Variants in ATG7 observed in about 807,000 individuals in gnomAD.
ATG7 encodes ubiquitin-like modifier-activating enzyme ATG7.
ATG7 carries 70 observed loss-of-function variants against 82.4 expected under a neutral mutation model. The observed-to-expected ratio is 0.85, with a 90% CI of 0.70 to 1.04. The LOEUF is 1.04. ATG7 is among the 50% of genes least tolerant of loss of function. ATG7 has a pLI of 0.00. For synonymous variants in ATG7, 287 were observed against 313.0 expected, an observed-to-expected ratio of 0.92 and a Z score of 0.88; for missense variants, 792 against 864.3, an observed-to-expected ratio of 0.92 and a Z score of 1.05.
chr3:11,527,071 GTATA>G (rs59492212), intron 20 of ATG7, among the ~76,000 whole-genome samples: 4,797 of 127,350 alleles, frequency 0.038, 103 homozygotes, highest in African/African-American at 0.067. Context: ...GTGTGTGTGT[GTATA>G]TATATATATA....
At chr3:11,394,536 C>T (rs1170413097) in intron 19 of ATG7, among the ~76,000 whole-genome samples, 3 of 152,200 alleles carry the variant, frequency 2.0e-5, no homozygotes, top group African/African-American at 4.8e-5. Flanking sequence ...GCGTGAGCCA[C>T]ACCTTTAGTG....
chr3:11,363,784 G>A (rs1238456078), intron 17 of ATG7, among the ~76,000 whole-genome samples: 1 of 152,158 alleles, frequency 6.6e-6, no homozygotes, highest in Non-Finnish European at 1.5e-5. Flanking sequence ...TATTTTTCCA[G>A]TTCTCAGAAA....
At chr3:11,330,672 G>A (rs983221954) in intron 9 of ATG7, among the ~76,000 whole-genome samples, 1 of 152,180 alleles carries the variant, frequency 6.6e-6, no homozygotes, top group African/African-American at 2.4e-5. Flanking sequence ...GGTGCTCATT[G>A]TCTTTGAAAG....
intron 20 of ATG7, chr3:11,446,836 TGATG>T (rs2084610554): frequency 6.1e-6 from 1 of 163,956 alleles, no homozygotes. Flanking sequence ...GGGCCATGAG[TGATG>T]GTTATTGGGG....
intron 18 of ATG7, among the ~76,000 whole-genome samples, chr3:11,368,532 C>T (rs1045756936): frequency 4.6e-5 from 7 of 152,110 alleles, no homozygotes; most frequent in Non-Finnish European, 4.4e-5. Context: ...TGGCTCACCC[C>T]TGTAATCCCA....
rs544566726 is a variant in ATG7 at position 11,489,063 on chromosome 3, T to G, written c.2079+62137T>G. Among the ~76,000 whole-genome samples the G allele has an allele frequency of 2.0e-5, 3 of 152,158 alleles. No individual in the cohort carries two copies. In the South Asian group the frequency reaches 6.2e-4, roughly 32 times the overall value. On this transcript the variant is annotated intron_variant, in intron 20 of 20. Coordinates refer to ENST00000693202, the MANE Select transcript of ATG7 (RefSeq NM_001349232.2). ...TCTTTTTGGTTGGTAAGCTATTGATTATTGCCACAATTTCAGAGCCTGTTA... is the reference window on the plus strand; with the variant it reads ...TCTTTTTGGTTGGTAAGCTATTGATGATTGCCACAATTTCAGAGCCTGTTA...
At chr3:11,510,218 A>G (rs1391348077) in intron 20 of ATG7, 2 of 456,454 alleles carry the variant, frequency 4.4e-6, no homozygotes, top group Non-Finnish European at 8.8e-6. Flanking sequence ...CAAGAATGGC[A>G]CCTTCCCCGC....
At chr3:11,512,356 C>T (rs1319058880) in intron 20 of ATG7, among the ~76,000 whole-genome samples, 2 of 152,214 alleles carry the variant, frequency 1.3e-5, no homozygotes, top group Non-Finnish European at 2.9e-5. Context: ...GGCTCCAGAG[C>T]CTGGTGCTGC....
At chr3:11,299,650 C>T (rs1437351097) in intron 5 of ATG7, among the ~76,000 whole-genome samples, 1 of 152,076 alleles carries the variant, frequency 6.6e-6, no homozygotes, top group Non-Finnish European at 1.5e-5. Flanking sequence ...GTGCCAGGTG[C>T]CATCTAGATT....
intron 20 of ATG7, among the ~76,000 whole-genome samples, chr3:11,506,873 A>T (rs2153069897): frequency 1.3e-5 from 2 of 152,310 alleles, no homozygotes; most frequent in African/African-American, 4.8e-5. Flanking sequence ...TGAGTTCCCT[A>T]AATATTATTG....
intron 20 of ATG7, among the ~76,000 whole-genome samples, chr3:11,449,244 T>C (rs2084873715): frequency 1.3e-5 from 2 of 152,198 alleles, no homozygotes; most frequent in African/African-American, 2.4e-5. Flanking sequence ...TGATGGCTCA[T>C]GCCTGTAGTC....
chr3:11,477,029 G>A (rs1043747413), intron 20 of ATG7: 1 of 1,149,048 alleles, frequency 8.7e-7, no homozygotes, highest in East Asian at 5.9e-5. Flanking sequence ...GTCATTAAAT[G>A]ATTGTTATGC....
rs760194023 is a variant in ATG7 at position 11,380,011 on chromosome 3, G to A, written c.1915G>A (p.Val639Ile). The A allele has an allele frequency of 1.3e-5, 21 of 1,614,060 alleles. No homozygotes were observed. The highest frequency in any genetic ancestry group is 2.2e-5 in the South Asian group (2 of 91,076). Residue 639 changes from valine (V) to isoleucine (I), a missense_variant, in exon 19 of 21, where the codon GTC becomes ATC. Val to Ile is a conservative substitution (Grantham distance 29, BLOSUM62 3). Transcript: ENST00000693202. Reference sequence around the variant, plus strand: ...TTCACGGTTTGATAATGTCCTTCCCGTCAGCCTGGCATTTGACAAATGTAC... The same window carrying A: ...TTCACGGTTTGATAATGTCCTTCCCATCAGCCTGGCATTTGACAAATGTAC... ...FLSRFDNVLP[V>I]SLAFDKCTAC... is the part of the protein sequence containing the mutation.
At chr3:11,438,595 T>TC (rs1343753087) in intron 20 of ATG7, among the ~76,000 whole-genome samples, 5 of 150,726 alleles carry the variant, frequency 3.3e-5, no homozygotes, top group African/African-American at 1.2e-4. Flanking sequence ...TAAAGATTTT[T>TC]TTTCTTTTTA....
chr3:11,481,600 AG>A (rs2088984114), intron 20 of ATG7, among the ~76,000 whole-genome samples: 1 of 152,236 alleles, frequency 6.6e-6, no homozygotes, highest in Admixed American at 6.5e-5. Flanking sequence ...AAATAAGAGC[AG>A]GATCTCCTCT....
intron 20 of ATG7, among the ~76,000 whole-genome samples, chr3:11,549,816 AGTGGT>A (rs2071611620): frequency 2.0e-5 from 3 of 152,128 alleles, no homozygotes; most frequent in Non-Finnish European, 4.4e-5. Context: ...CTTCCTCCAA[AGTGGT>A]TTTGCCAGTT....
chr3:11,431,211 A>C (rs1480600852), intron 20 of ATG7, among the ~76,000 whole-genome samples: 7 of 152,208 alleles, frequency 4.6e-5, no homozygotes. Context: ...AGACCAGCCT[A>C]GCCAACATGG....
chr3:11,566,886 C>T, the ATG7 span, among the ~76,000 whole-genome samples: 6 of 152,182 alleles, frequency 3.9e-5, no homozygotes, highest in Admixed American at 6.5e-5. Flanking sequence ...AGAGACTTAA[C>T]GGGTGAATGA....
At chr3:11,496,740 G>A (rs1411096912) in intron 20 of ATG7, among the ~76,000 whole-genome samples, 2 of 152,294 alleles carry the variant, frequency 1.3e-5, no homozygotes, top group Non-Finnish European at 2.9e-5. Flanking sequence ...GGCTAATTCT[G>A]TGGGATGTAT....
Sources: gnomAD v4.1 joint callset for allele counts (sites outside exome capture counted in the v4.1 genomes callset) on GRCh38, gnomAD v4.1.1 for gene constraint, MANE v1.5 for transcripts, NCBI Gene and HGNC (gene_info 2026-07-23, HGNC 2026-07-21) for gene names.